Variants in SH3D19 observed in about 807,000 individuals in gnomAD.
The protein encoded by SH3D19 is SH3 domain containing 19, also known as SH3 domain-containing protein 19.
In SH3D19, 58 loss-of-function variants were observed where a neutral mutation model predicts 112.1. That is an observed-to-expected ratio of 0.52 (90% CI 0.42 to 0.64). SH3D19 has a LOEUF of 0.64. Among genes scored for constraint, SH3D19 ranks in the 30% least tolerant of loss-of-function variants. The probability of loss-of-function intolerance (pLI) is 0.00; values close to 1 mark genes in which losing one functional copy is unlikely to be tolerated. For missense variants in SH3D19, 1,090 were observed against 1,263.4 expected (o/e 0.86, Z 2.08); for synonymous variants, 391 against 448.5 (o/e 0.87, Z 1.62).
intron 1 of SH3D19, among the ~76,000 whole-genome samples, chr4:151,251,676 C>A (rs1771418717): frequency 6.6e-6 from 1 of 152,110 alleles, no homozygotes; most frequent in South Asian, 2.1e-4. Context: ...ACTCCCCTGT[C>A]CACCCTTCTT....
At chr4:151,168,655 C>A (rs374697042) in intron 7 of SH3D19, among the ~76,000 whole-genome samples, 1 of 151,928 alleles carries the variant, frequency 6.6e-6, no homozygotes, top group African/African-American at 2.4e-5. Flanking sequence ...CTGGTCTTGA[C>A]CTCTTGGGCT....
At chr4:151,313,413 AT>A (rs1426486096) in intron 1 of SH3D19, among the ~76,000 whole-genome samples, 2 of 151,648 alleles carry the variant, frequency 1.3e-5, no homozygotes, top group Non-Finnish European at 2.9e-5. Flanking sequence ...GTATTTATTT[AT>A]TTATTTATTT....
chr4:151,194,998 C>T (rs1374314055), intron 2 of SH3D19, among the ~76,000 whole-genome samples: 2 of 150,528 alleles, frequency 1.3e-5, no homozygotes, highest in Non-Finnish European at 2.9e-5. Flanking sequence ...TCACTTGAAC[C>T]TGAGAGGCAG....
intron 1 of SH3D19, among the ~76,000 whole-genome samples, chr4:151,255,292 G>C (rs1244801919): frequency 6.8e-6 from 1 of 146,978 alleles, no homozygotes; most frequent in African/African-American, 2.5e-5. Flanking sequence ...CGGGCAGAGG[G>C]TCTCCTCACT....
chr4:151,191,036 T>C (rs1762537580), intron 2 of SH3D19, among the ~76,000 whole-genome samples: 1 of 152,176 alleles, frequency 6.6e-6, no homozygotes, highest in Non-Finnish European at 1.5e-5. Context: ...ACCTGGATCG[T>C]TTTGGACCTG....
At chr4:151,262,066 T>C (rs1243843486) in intron 1 of SH3D19, among the ~76,000 whole-genome samples, 1 of 152,202 alleles carries the variant, frequency 6.6e-6, no homozygotes, top group Non-Finnish European at 1.5e-5. Flanking sequence ...TTTTGGGTTT[T>C]CCTAAATTAC....
chr4:151,171,120 T>C (rs1054248794), intron 7 of SH3D19, among the ~76,000 whole-genome samples: 2 of 152,226 alleles, frequency 1.3e-5, no homozygotes, highest in Non-Finnish European at 2.9e-5. Flanking sequence ...TATTCTGTAG[T>C]AGAAGTCCTT....
At chr4:151,304,799 C>T (rs1728780145) in intron 1 of SH3D19, among the ~76,000 whole-genome samples, 1 of 152,084 alleles carries the variant, frequency 6.6e-6, no homozygotes, top group East Asian at 1.9e-4. Context: ...CAGAAAAGAC[C>T]TGAGAAGGCC....
chr4:151,197,527 A>G (rs1270035460), intron 2 of SH3D19, among the ~76,000 whole-genome samples: 2 of 152,378 alleles, frequency 1.3e-5, no homozygotes, highest in Middle Eastern at 6.8e-3. Context: ...GGGTGTGTGC[A>G]TGCACGTGAC....
At chr4:151,272,424 G>C (rs1177043196) in intron 1 of SH3D19, among the ~76,000 whole-genome samples, 1 of 152,196 alleles carries the variant, frequency 6.6e-6, no homozygotes, top group African/African-American at 2.4e-5. Context: ...CTTAGATTTA[G>C]AAAGGGTTAA....
At chr4:151,155,966 T>C (rs535988152) in intron 9 of SH3D19, among the ~76,000 whole-genome samples, 1 of 152,088 alleles carries the variant, frequency 6.6e-6, no homozygotes, top group South Asian at 2.1e-4. Context: ...ATAAATGAAT[T>C]CAGTAAAGTT....
At chr4:151,237,342 T>C (rs571957861) in intron 1 of SH3D19, among the ~76,000 whole-genome samples, 1 of 152,342 alleles carries the variant, frequency 6.6e-6, no homozygotes, top group African/African-American at 2.4e-5. Flanking sequence ...TTATATATCT[T>C]TGATTTTGCA....
chr4:151,255,419 T>G (rs369621221), intron 1 of SH3D19, among the ~76,000 whole-genome samples: 1 of 145,060 alleles, frequency 6.9e-6, no homozygotes, highest in East Asian at 2.1e-4. Context: ...TCCCCACATC[T>G]CAGAGGATGG....
chr4:151,259,326 C>A (rs1013893494), intron 1 of SH3D19, among the ~76,000 whole-genome samples: 2 of 152,166 alleles, frequency 1.3e-5, no homozygotes, highest in Non-Finnish European at 2.9e-5. Context: ...ACACTTCAGG[C>A]AGAGGCAGCA....
chr4:151,312,112 C>T (rs542373449), intron 1 of SH3D19, among the ~76,000 whole-genome samples: 65 of 152,008 alleles, frequency 4.3e-4, no homozygotes, highest in Non-Finnish European at 7.2e-4. Flanking sequence ...GTAATTATTT[C>T]ACAATGTATA....
intron 1 of SH3D19, among the ~76,000 whole-genome samples, chr4:151,324,842 G>A (rs113676282): frequency 2.9e-4 from 44 of 152,164 alleles, no homozygotes; most frequent in African/African-American, 1.0e-3. Context: ...CCTCAGTTAT[G>A]AGCACGTGCT....
chr4:151,315,298 G>C (rs1026341788), intron 1 of SH3D19, among the ~76,000 whole-genome samples: 1 of 152,166 alleles, frequency 6.6e-6, no homozygotes, highest in Non-Finnish European at 1.5e-5. Context: ...TCGGCACCCA[G>C]TGCACAATAA....
In SH3D19 at chr4:151,190,340, A is replaced by G. The variant is rs571009023; in HGVS notation, c.153-2877T>C. Among the ~76,000 whole-genome samples the G allele has an allele frequency of 1.7e-4, 26 of 152,356 alleles. No individual in the cohort carries two copies. The East Asian group carries it at 5.0e-3, about 29-fold the overall frequency. On this transcript the variant is annotated intron_variant, in intron 2 of 19. Transcript: ENST00000604030. ...ATTCAAAATGGCTGCAGAAACTTGCATAAGTAACAAGGGGCCAAATGTTAA... is the reference window on the plus strand; with the variant it reads ...ATTCAAAATGGCTGCAGAAACTTGCGTAAGTAACAAGGGGCCAAATGTTAA...
chr4:151,170,197 T>TTAA (rs1220889927), intron 7 of SH3D19, among the ~76,000 whole-genome samples: 1 of 152,158 alleles, frequency 6.6e-6, no homozygotes, highest in Admixed American at 6.5e-5. Context: ...CGTGGGGAGT[T>TTAA]TACATTTTTT....
Sources: allele counts gnomAD v4.1 joint callset (sites outside exome capture counted in the v4.1 genomes callset), GRCh38; gene constraint gnomAD v4.1.1; transcripts MANE v1.5; gene names NCBI Gene and HGNC (gene_info 2026-07-23, HGNC 2026-07-21).